The following NAV1 variants were observed in gnomAD, a reference collection of about 807,000 sequenced individuals.
NAV1 encodes the protein pore membrane and/or filament interacting like protein 3.
NAV1 carries 18 observed loss-of-function variants against 175.2 expected under a neutral mutation model. That is an observed-to-expected ratio of 0.10 (90% confidence interval 0.07 to 0.15). The LOEUF is 0.15. Ranked by LOEUF, NAV1 falls within the 10% of genes least tolerant of loss-of-function variation. NAV1 has a pLI of 1.00. For synonymous variants in NAV1, 897 were observed against 978.7 expected, an observed-to-expected ratio of 0.92 and a Z score of 1.56; for missense variants, 1,731 against 2,436.6, an observed-to-expected ratio of 0.71 and a Z score of 6.10.
intron 1 of NAV1, among the ~76,000 whole-genome samples, chr1:201,665,719 C>A (rs1007312171): frequency 6.6e-6 from 1 of 151,998 alleles, no homozygotes; most frequent in African/African-American, 2.4e-5. Flanking sequence ...GCAGACACAC[C>A]TTTGGAGAAT....
intron 3 of NAV1, among the ~76,000 whole-genome samples, chr1:201,743,655 T>C (rs1470542030): frequency 6.6e-6 from 1 of 152,220 alleles, no homozygotes; most frequent in African/African-American, 2.4e-5. Flanking sequence ...AGATTTTTTT[T>C]TTAGCATCTT....
intron 1 of NAV1, among the ~76,000 whole-genome samples, chr1:201,651,156 T>TGTGTGTGTGTGTGTGTCA (rs1310697563): frequency 4.7e-5 from 7 of 148,502 alleles, no homozygotes; most frequent in Non-Finnish European, 7.4e-5. Context: ...TGTGTGTGTG[T>TGTGTGTGTGTGTGTGTCA]GTGTCAGACT....
At chr1:201,784,028 T>C (rs1450417076) in intron 7 of NAV1, among the ~76,000 whole-genome samples, 176 bp downstream of exon 11, 1 of 152,276 alleles carries the variant, frequency 6.6e-6, no homozygotes, top group Non-Finnish European at 1.5e-5. Flanking sequence ...GATGTGTTTT[T>C]GTTTTTAAAT....
intron 1 of NAV1, among the ~76,000 whole-genome samples, chr1:201,678,124 T>C (rs1001460120): frequency 3.3e-5 from 5 of 152,196 alleles, no homozygotes; most frequent in African/African-American, 1.2e-4. Context: ...CCAAATGTGA[T>C]TGCATTTTCG....
At chr1:201,819,969 C>A in exon 30 of NAV1, 10 of 1,587,420 alleles carry the variant, frequency 6.3e-6, no homozygotes, top group Non-Finnish European at 8.7e-6. Context: ...GACAGCAGAA[C>A]GCTGGCATCA....
intron 1 of NAV1, among the ~76,000 whole-genome samples, chr1:201,580,906 A>G (rs1666837619): frequency 6.6e-6 from 1 of 152,194 alleles, no homozygotes; most frequent in Non-Finnish European, 1.5e-5. Flanking sequence ...ACTTTGAAAG[A>G]TAAATGGATT....
chr1:201,600,019 C>T (rs1667474184), intron 2 of NAV1, among the ~76,000 whole-genome samples: 1 of 152,150 alleles, frequency 6.6e-6, no homozygotes, highest in Non-Finnish European at 1.5e-5. Context: ...ACAGCTTGGG[C>T]CCGGTTATCT....
intron 1 of NAV1, among the ~76,000 whole-genome samples, chr1:201,654,373 G>T (rs1669319141): frequency 6.6e-6 from 1 of 151,718 alleles, no homozygotes; most frequent in African/African-American, 2.4e-5. Context: ...TTGATACTGT[G>T]GCTGCAAATG....
chr1:201,821,378 T>C (rs754170889), exon 30 of NAV1: 6 of 152,594 alleles, frequency 3.9e-5, no homozygotes, highest in Non-Finnish European at 8.8e-5. Flanking sequence ...ATACCTGCCT[T>C]CCAAAGAGAT....
rs184026461 is a variant in NAV1 at position 201,549,047 on chromosome 1, G to T, written c.-144+9705G>T. On this transcript the variant is annotated intron_variant, in intron 1 of 33. Transcript: ENST00000685211. ...ACCACCCAAAACAGTAGTGAGGAAG[G>T]CAGGCTTTAAATTCAGATATTCTAG... Among the ~76,000 whole-genome samples the T allele has an allele frequency of 1.2e-3, 185 of 152,228 alleles. 1 individual carries two copies. Among genetic ancestry groups the T allele is most frequent in the African/African-American group, 3.9e-3 (164 of 41,540 alleles).
intron 2 of NAV1, among the ~76,000 whole-genome samples, chr1:201,609,315 A>T (rs998447200): frequency 1.3e-5 from 2 of 152,210 alleles, no homozygotes; most frequent in African/African-American, 4.8e-5. Context: ...TCCCACTAAC[A>T]GGTTTGACTC....
intron 1 of NAV1, among the ~76,000 whole-genome samples, chr1:201,544,690 A>G (rs907215114): frequency 6.6e-6 from 1 of 152,214 alleles, no homozygotes; most frequent in Non-Finnish European, 1.5e-5. Context: ...GGCTTCACCA[A>G]AATGCATCCC....
intron 1 of NAV1, among the ~76,000 whole-genome samples, chr1:201,705,713 T>C (rs1397502944): frequency 6.6e-6 from 1 of 152,048 alleles, no homozygotes; most frequent in African/African-American, 2.4e-5. Flanking sequence ...GCCTCTGGTG[T>C]GGGGGCCTGC....
At chr1:201,649,382 C>T in exon 1 of NAV1, 2 of 1,598,106 alleles carry the variant, frequency 1.3e-6, no homozygotes, top group Non-Finnish European at 1.7e-6. Flanking sequence ...TGGTGGTGAC[C>T]GTGCTGGGAG....
chr1:201,609,656 G>A (rs12385740), intron 2 of NAV1, among the ~76,000 whole-genome samples: 10,516 of 152,288 alleles, frequency 0.069, 573 homozygotes, highest in African/African-American at 0.15. Context: ...GGTGGGAGAC[G>A]TGGTCATCTG....
chr1:201,772,375 A>G lies in NAV1; in HGVS notation c.1227-8046A>G, dbSNP rs930758941. Among the ~76,000 whole-genome samples, 3 of 152,340 alleles carry G rather than the reference A, an allele frequency of 2.0e-5. No homozygotes were observed. In the East Asian group the frequency reaches 5.8e-4, roughly 29 times the overall value. ...CTCCAGAGACTTCAGCAGCACACAG[A>G]TCACTGCATAGTGGTGTGAGGACCG... On this transcript the variant is annotated intron_variant, in intron 3 of 29. Coordinates refer to ENST00000367296, the Ensembl canonical transcript of NAV1.
At chr1:201,581,736 C>T (rs1329721070) in intron 1 of NAV1, among the ~76,000 whole-genome samples, 1 of 149,850 alleles carries the variant, frequency 6.7e-6, no homozygotes, top group African/African-American at 2.5e-5. Flanking sequence ...GGCTGAGGCA[C>T]AAGAATCACT....
chr1:201,565,189 T>C (rs1666316722), intron 1 of NAV1, among the ~76,000 whole-genome samples: 1 of 152,150 alleles, frequency 6.6e-6, no homozygotes, highest in Non-Finnish European at 1.5e-5. Context: ...AACATATGTT[T>C]TAAAAAAGGT....
chr1:201,811,544 C>A, intron 24 of NAV1, 59 bp from the exon 29 acceptor site: 5 of 1,605,890 alleles, frequency 3.1e-6, no homozygotes, highest in Non-Finnish European at 4.3e-6. Context: ...ATCCTGATTT[C>A]CAAGGCCGAT....
Sources: allele counts gnomAD v4.1 joint callset (sites outside exome capture counted in the v4.1 genomes callset), GRCh38; gene constraint gnomAD v4.1.1; transcripts MANE v1.5; gene names NCBI Gene and HGNC (gene_info 2026-07-23, HGNC 2026-07-21).